PLAAT1: variants seen among roughly 807,000 people sequenced by gnomAD.
PLAAT1 encodes the protein phospholipase A and acyltransferase 1.
A neutral mutation model predicts 16.4 loss-of-function variants in PLAAT1; 13 were observed. The observed-to-expected ratio is 0.79, with a 90% CI of 0.52 to 1.26. The LOEUF is 1.26. Ranked by LOEUF, PLAAT1 falls within the 50% of genes most tolerant of loss-of-function variation. The pLI, the probability that PLAAT1 is intolerant of heterozygous loss-of-function variation, is 0.00. For synonymous variants in PLAAT1, 73 were observed against 78.4 expected (o/e 0.93, Z 0.36); for missense variants, 218 against 207.8 (o/e 1.05, Z -0.30).
intron 2 of PLAAT1, 89 bp downstream of exon 2, chr3:193,255,878 A>G: frequency 1.7e-6 from 2 of 1,169,990 alleles, no homozygotes; most frequent in Non-Finnish European, 2.3e-6. Flanking sequence ...AAACAAAACA[A>G]AATCGAAATA....
chr3:193,263,088 CG>C lies in PLAAT1; in HGVS notation c.259del (p.Asp87MetfsTer13). 6 of 1,614,090 alleles carry C rather than the reference CG, an allele frequency of 3.7e-6. No individual in the cohort carries two copies. Among genetic ancestry groups the C allele is most frequent in the African/African-American group, 1.3e-5 (1 of 75,006 alleles). On this transcript the variant is annotated frameshift_variant, in exon 3 of 4. Coordinates refer to ENST00000264735, the MANE Select transcript of PLAAT1 (RefSeq NM_020386.5). LOFTEE classifies it high-confidence loss of function. ...ACACATACAGAATAAACAATAAATA[CG>C]ATGAAACGTACCCCCCTCTCCCTGT... ...NDTYRINNKY[D>X]ETYPPLPVEE...
downstream of PLAAT1, among the ~76,000 whole-genome samples, chr3:193,271,213 T>A (rs1451446843): frequency 6.6e-6 from 1 of 152,162 alleles, no homozygotes; most frequent in African/African-American, 2.4e-5. Flanking sequence ...CACCCTCATC[T>A]TCTTCCTGCC....
downstream of PLAAT1, among the ~76,000 whole-genome samples, chr3:193,274,322 A>G (rs1040355021): frequency 6.6e-6 from 1 of 152,242 alleles, no homozygotes; most frequent in Non-Finnish European, 1.5e-5. Flanking sequence ...GTATCTTTTT[A>G]CAGTTTATTT....
chr3:193,275,025 T>C (rs750533495), downstream of PLAAT1: 1 of 1,613,640 alleles, frequency 6.2e-7, no homozygotes, highest in Non-Finnish European at 8.5e-7. Flanking sequence ...GTTGAGCATG[T>C]ACGACGACAA....
Position 193,262,999 on chromosome 3 carries a change from A to G in PLAAT1, c.169A>G (p.Lys57Glu). ...DGIPASFTSA[K>E]SVFSSKALVK... ...CATTCCTGCGTCCTTTACAAGCGCC[A>G]AGTCTGTATTCAGCAGTAAGGCCCT... Residue 57 changes from lysine (K) to glutamate (E), a missense_variant, in exon 3 of 4, where the codon AAG becomes GAG. Transcript: ENST00000264735. 6.2e-7 allele frequency: 1 copy of G among 1,614,200 alleles called. No individual in the cohort carries two copies.
At chr3:193,242,902 C>G (rs1304469055) in intron 1 of PLAAT1, among the ~76,000 whole-genome samples, 1 of 152,230 alleles carries the variant, frequency 6.6e-6, no homozygotes, top group African/African-American at 2.4e-5. Flanking sequence ...GATTGTGTTT[C>G]AGACTTCCAG....
At chr3:193,251,243 C>T (rs1034924599) in intron 1 of PLAAT1, among the ~76,000 whole-genome samples, 4 of 152,170 alleles carry the variant, frequency 2.6e-5, no homozygotes, top group South Asian at 4.1e-4. Flanking sequence ...TGGCAGAGGC[C>T]TCCAGCCTCT....
Position 193,241,525 on chromosome 3 carries a change from G to C in PLAAT1, c.-9G>C. On this transcript the variant is annotated 5_prime_UTR_variant, in exon 1 of 4. Coordinates refer to ENST00000264735, the MANE Select transcript of PLAAT1 (RefSeq NM_020386.5). ...CGGTGCGAGAAGAAGACCCCGGCTT[G>C]AGAGTGAGGTGTGCTGGGCGGAGTG... 8.1e-7 allele frequency: 1 copy of C among 1,231,916 alleles called. No homozygotes were observed. 76.3% of individuals were successfully genotyped at this position (1,231,916 alleles called of 1,614,324 possible). A position where few individuals can be genotyped will look rare whatever the true frequency, so the allele number is the denominator to read the frequency against.
At chr3:193,271,288 T>C (rs1363394272), downstream of PLAAT1, among the ~76,000 whole-genome samples, 1 of 152,042 alleles carries the variant, frequency 6.6e-6, no homozygotes, top group African/African-American at 2.4e-5. Flanking sequence ...TTCCGGTGAT[T>C]TGTGTGGAAT....
downstream of PLAAT1, chr3:193,279,331 G>A: frequency 1.4e-6 from 2 of 1,471,938 alleles, no homozygotes; most frequent in Non-Finnish European, 9.5e-7. Flanking sequence ...CCATGTACAT[G>A]AGTCATGCCA....
At chr3:193,276,982 C>T in intron 2 of PLAAT1, 1 of 611,372 alleles carries the variant, frequency 1.6e-6, no homozygotes, top group Non-Finnish European at 2.8e-6. Context: ...AACTGAAGGA[C>T]TCAAAGCCTA....
chr3:193,259,554 A>C (rs1716508478), intron 2 of PLAAT1, among the ~76,000 whole-genome samples: 1 of 152,192 alleles, frequency 6.6e-6, no homozygotes, highest in African/African-American at 2.4e-5. Context: ...TCAGTGTACA[A>C]AAATCAGTAG....
At chr3:193,255,828 T>C (rs556693766) in intron 2 of PLAAT1, 39 bp downstream of exon 2, 1 of 1,513,068 alleles carries the variant, frequency 6.6e-7, no homozygotes, top group South Asian at 1.3e-5. Context: ...AGCAAAGTTT[T>C]AGTGTTCTTG....
chr3:193,248,998 T>A (rs942873472), intron 1 of PLAAT1, among the ~76,000 whole-genome samples: 2 of 152,168 alleles, frequency 1.3e-5, no homozygotes, highest in African/African-American at 4.8e-5. Context: ...CTAGTTGTGA[T>A]AAATTCCCTC....
At chr3:193,261,912 A>G (rs532233845) in intron 2 of PLAAT1, among the ~76,000 whole-genome samples, 15 of 152,340 alleles carry the variant, frequency 9.8e-5, no homozygotes, top group South Asian at 4.1e-4. Context: ...AGAACTTGCA[A>G]TGTGTAAGAT....
intron 2 of PLAAT1, among the ~76,000 whole-genome samples, chr3:193,257,010 T>C (rs1315471545): frequency 6.6e-6 from 1 of 152,094 alleles, no homozygotes; most frequent in African/African-American, 2.4e-5. Flanking sequence ...TATTTAGGGG[T>C]TTAACCACTA....
chr3:193,256,725 G>A (rs552198510), intron 2 of PLAAT1, among the ~76,000 whole-genome samples: 1 of 152,242 alleles, frequency 6.6e-6, no homozygotes, highest in South Asian at 2.1e-4. Context: ...AAAAGGGTTC[G>A]TATCCTCTGA....
chr3:193,274,827 T>C (rs1577315806), downstream of PLAAT1: 2 of 625,442 alleles, frequency 3.2e-6, no homozygotes, highest in South Asian at 4.2e-5. Flanking sequence ...AAAAGGATGA[T>C]ACAGGAAATG....
At chr3:193,272,801 T>C (rs1349350563), downstream of PLAAT1, among the ~76,000 whole-genome samples, 1 of 115,020 alleles carries the variant, frequency 8.7e-6, no homozygotes, top group Non-Finnish European at 1.7e-5. Context: ...TGTGGTAGTT[T>C]TCACCCTTAG....
Sources: allele counts gnomAD v4.1 joint callset (sites outside exome capture counted in the v4.1 genomes callset), GRCh38; gene constraint gnomAD v4.1.1; transcripts MANE v1.5; gene names NCBI Gene and HGNC (gene_info 2026-07-23, HGNC 2026-07-21).